BMPR1B: variants seen among roughly 807,000 people sequenced by gnomAD.
The protein encoded by BMPR1B is bone morphogenetic protein receptor type-1B.
BMPR1B carries 12 observed loss-of-function variants against 59.1 expected under a neutral mutation model. That is an observed-to-expected ratio of 0.20 (90% CI 0.13 to 0.33). The LOEUF (loss-of-function observed/expected upper bound fraction) is 0.33, where lower values mean the gene tolerates loss of function less well. Among genes scored for constraint, BMPR1B ranks in the 10% least tolerant of loss-of-function variants. The probability of loss-of-function intolerance (pLI) is 1.00; values close to 1 mark genes in which losing one functional copy is unlikely to be tolerated. For missense variants in BMPR1B, 550 were observed against 610.9 expected, an observed-to-expected ratio of 0.90 and a Z score of 1.05; for synonymous variants, 237 against 207.3, an observed-to-expected ratio of 1.14 and a Z score of -1.23.
intron 2 of BMPR1B, among the ~76,000 whole-genome samples, chr4:94,907,270 C>T (rs948935972): frequency 1.3e-5 from 2 of 152,046 alleles, no homozygotes; most frequent in Non-Finnish European, 2.9e-5. Context: ...ACGTCATTGG[C>T]AATGCTACTG....
intron 1 of BMPR1B, among the ~76,000 whole-genome samples, chr4:94,854,144 C>A (rs1329678637): frequency 4.0e-5 from 6 of 151,850 alleles, no homozygotes; most frequent in African/African-American, 1.5e-4. Flanking sequence ...TCTAGCAAGC[C>A]CCAAGATGCC....
At chr4:94,911,053 A>G (rs1195179423) in intron 2 of BMPR1B, among the ~76,000 whole-genome samples, 1 of 152,156 alleles carries the variant, frequency 6.6e-6, no homozygotes, top group Non-Finnish European at 1.5e-5. Flanking sequence ...ATTTTTTTGG[A>G]TATTTGATAC....
At chr4:94,822,820 C>G (rs902876674) in intron 1 of BMPR1B, among the ~76,000 whole-genome samples, 1 of 152,150 alleles carries the variant, frequency 6.6e-6, no homozygotes, top group African/African-American at 2.4e-5. Context: ...AAGGTTACCT[C>G]ATATCTGCCA....
chr4:95,150,348 G>A (rs759522951), intron 11 of BMPR1B, among the ~76,000 whole-genome samples: 19 of 151,642 alleles, frequency 1.3e-4, no homozygotes, highest in African/African-American at 4.1e-4. Context: ...TAAGCCTCAC[G>A]TTTGCATTCC....
intron 10 of BMPR1B, among the ~76,000 whole-genome samples, chr4:95,134,491 A>C (rs547044214): frequency 1.3e-5 from 2 of 152,316 alleles, no homozygotes; most frequent in African/African-American, 2.4e-5. Flanking sequence ...CAAACAGTGT[A>C]AAAGTGTTCC....
intron 3 of BMPR1B, among the ~76,000 whole-genome samples, chr4:95,012,900 AG>A (rs1181976250): frequency 2.0e-5 from 3 of 152,206 alleles, no homozygotes; most frequent in African/African-American, 7.2e-5. Context: ...AGTTTGGGTT[AG>A]TAATTCTCGC....
intron 10 of BMPR1B, among the ~76,000 whole-genome samples, chr4:95,142,800 A>G (rs1371751959): frequency 7.0e-6 from 1 of 143,864 alleles, no homozygotes; most frequent in Non-Finnish European, 1.5e-5. Context: ...TGCTCAGTCA[A>G]GTAGTTGGGG....
intron 2 of BMPR1B, among the ~76,000 whole-genome samples, chr4:94,887,616 A>T (rs986609774): frequency 7.9e-5 from 12 of 151,938 alleles, no homozygotes; most frequent in African/African-American, 2.4e-4. Context: ...TCAAAAATGA[A>T]GATAAATTAC....
intron 3 of BMPR1B, among the ~76,000 whole-genome samples, chr4:95,039,481 T>C (rs1169207448): frequency 6.6e-6 from 1 of 151,972 alleles, no homozygotes; most frequent in East Asian, 1.9e-4. Context: ...TCCCCAGTGT[T>C]CTGAAAGTTT....
At chr4:94,835,338 A>C (rs966099162) in intron 1 of BMPR1B, among the ~76,000 whole-genome samples, 5 of 152,180 alleles carry the variant, frequency 3.3e-5, no homozygotes, top group African/African-American at 4.8e-5. Flanking sequence ...CCTGGCTTTA[A>C]GAGAATTTTT....
intron 2 of BMPR1B, among the ~76,000 whole-genome samples, chr4:94,876,666 G>C (rs1726743215): frequency 1.3e-5 from 2 of 152,120 alleles, no homozygotes; most frequent in South Asian, 4.1e-4. Context: ...GAGACCTCCT[G>C]ATCTTTACTT....
At chr4:95,037,125 A>G (rs542654888) in intron 3 of BMPR1B, among the ~76,000 whole-genome samples, 2 of 152,294 alleles carry the variant, frequency 1.3e-5, no homozygotes, top group East Asian at 1.9e-4. Context: ...AGAAGCTATG[A>G]AAGTGAGTAT....
At chr4:94,968,825 A>G (rs779318163) in intron 2 of BMPR1B, among the ~76,000 whole-genome samples, 13 of 152,114 alleles carry the variant, frequency 8.5e-5, no homozygotes, top group Non-Finnish European at 1.9e-4. Context: ...TATAATACTC[A>G]TATGTAGGAA....
At chr4:95,051,647 CAAGA>C in intron 3 of BMPR1B, 1 of 1,510,626 alleles carries the variant, frequency 6.6e-7, no homozygotes, top group Non-Finnish European at 8.9e-7. Flanking sequence ...GACGGAAAGG[CAAGA>C]AACAGGAGGC....
At chr4:95,026,162 CTCTT>C (rs1724400361) in intron 3 of BMPR1B, among the ~76,000 whole-genome samples, 3 of 137,904 alleles carry the variant, frequency 2.2e-5, no homozygotes, top group South Asian at 2.3e-4. Flanking sequence ...TTCTTTCTTT[CTCTT>C]TTTCTCTTTC....
At chr4:94,982,414 T>C (rs1368077638) in intron 2 of BMPR1B, among the ~76,000 whole-genome samples, 1 of 152,192 alleles carries the variant, frequency 6.6e-6, no homozygotes, top group Non-Finnish European at 1.5e-5. Flanking sequence ...CTTATGTAAT[T>C]AGACTAAAAT....
chr4:95,122,557 T>C (rs928254767), intron 6 of BMPR1B, among the ~76,000 whole-genome samples: 1 of 152,198 alleles, frequency 6.6e-6, no homozygotes, highest in Admixed American at 6.5e-5. Flanking sequence ...CACAGTATTA[T>C]AAATGAGAAC....
chr4:95,083,943 T>C (rs942953419), intron 3 of BMPR1B, among the ~76,000 whole-genome samples: 2 of 152,204 alleles, frequency 1.3e-5, no homozygotes, highest in Non-Finnish European at 2.9e-5. Context: ...GATTACTCTG[T>C]GATTAGTTTA....
At chr4:95,084,470 G>A (rs1729417177) in intron 3 of BMPR1B, among the ~76,000 whole-genome samples, 2 of 152,202 alleles carry the variant, frequency 1.3e-5, no homozygotes, top group Non-Finnish European at 1.5e-5. Context: ...GGCAATGGGA[G>A]GTTAGATGCC....
Sources: gnomAD v4.1 joint callset for allele counts (sites outside exome capture counted in the v4.1 genomes callset) on GRCh38, gnomAD v4.1.1 for gene constraint, MANE v1.5 for transcripts, NCBI Gene and HGNC (gene_info 2026-07-23, HGNC 2026-07-21) for gene names.